The following HVCN1 variants were observed in gnomAD, a reference collection of about 807,000 sequenced individuals.
The protein encoded by HVCN1 is hydrogen voltage gated channel 1.
Under a neutral mutation model 29.2 loss-of-function variants are expected in HVCN1, and 14 were observed. That is an observed-to-expected ratio of 0.48 (90% CI 0.32 to 0.75). The LOEUF (loss-of-function observed/expected upper bound fraction) is 0.75. Among genes scored for constraint, HVCN1 ranks in the 30% least tolerant of loss-of-function variants. The pLI is 0.04. For synonymous variants in HVCN1, 131 were observed against 133.2 expected (o/e 0.98, Z 0.11); for missense variants, 263 against 341.8 (o/e 0.77, Z 1.82).
At chr12:110,677,206 TA>T (rs761362057) in intron 3 of HVCN1, among the ~76,000 whole-genome samples, 298 of 143,496 alleles carry the variant, frequency 2.1e-3, no homozygotes, top group Middle Eastern at 3.5e-3. Context: ...CCTTGTCTGT[TA>T]AAAAAAAAAA....
In HVCN1 at chr12:110,648,850, G is replaced by C. The variant is rs2136219852; in HGVS notation, c.*560C>G. ...TATACAGTAGTTGTACAGTAATTGAGGAAAAATGTTGTCAGGTGGCAGAAA... is the reference window on the plus strand; with the variant it reads ...TATACAGTAGTTGTACAGTAATTGACGAAAAATGTTGTCAGGTGGCAGAAA... On this transcript the variant is annotated 3_prime_UTR_variant, in exon 8 of 8. Coordinates refer to ENST00000242607, the MANE Select transcript of HVCN1 (RefSeq NM_032369.4). 1 of 371,494 alleles carries C rather than the reference G, an allele frequency of 2.7e-6. No individual in the cohort carries two copies. Among genetic ancestry groups the C allele is most frequent in the South Asian group, 2.1e-5 (1 of 48,250 alleles). 23.0% of individuals were successfully genotyped at this position (371,494 alleles called of 1,614,324 possible).
At chr12:110,671,901 G>A (rs1278534953) in intron 3 of HVCN1, among the ~76,000 whole-genome samples, 1 of 152,188 alleles carries the variant, frequency 6.6e-6, no homozygotes, top group Non-Finnish European at 1.5e-5. Context: ...GGCCTGGGGA[G>A]GCGAGACCAC....
chr12:110,704,220 G>A (rs1376906082), intron 1 of HVCN1, among the ~76,000 whole-genome samples: 1 of 152,134 alleles, frequency 6.6e-6, no homozygotes, highest in African/African-American at 2.4e-5. Flanking sequence ...TGATGGTAAA[G>A]CCATACAAAG....
upstream of HVCN1, among the ~76,000 whole-genome samples, chr12:110,694,296 A>G (rs917720718): frequency 6.6e-6 from 1 of 152,212 alleles, no homozygotes. This position sits in a 1 kb window ranked among gnomAD's most constrained non-coding sequence, Gnocchi z 4.6. Flanking sequence ...TCCTAGGCTC[A>G]AGGGATCCTC....
chr12:110,680,313 T>C (rs1470314601), intron 3 of HVCN1, among the ~76,000 whole-genome samples: 1 of 152,032 alleles, frequency 6.6e-6, no homozygotes, highest in Non-Finnish European at 1.5e-5. Context: ...GGTTGTGCAT[T>C]GCAATCCCTA....
At chr12:110,657,363 T>C (rs954765868) in intron 4 of HVCN1, among the ~76,000 whole-genome samples, 2 of 151,914 alleles carry the variant, frequency 1.3e-5, no homozygotes, top group African/African-American at 2.4e-5. Context: ...GGCATGATGG[T>C]GTGTGCCTGT....
intron 2 of HVCN1, among the ~76,000 whole-genome samples, chr12:110,687,687 T>C (rs1165017130): frequency 1.3e-5 from 2 of 151,966 alleles, no homozygotes; most frequent in Non-Finnish European, 2.9e-5. Flanking sequence ...GGATTCAGGA[T>C]ATGCTTTGGG....
rs1253524258 is a variant in HVCN1 at position 110,655,232 on chromosome 12, A to G, written c.411+2T>C. 6.2e-7 allele frequency: 1 copy of G among 1,608,862 alleles called. No homozygotes were observed. Among genetic ancestry groups the G allele is most frequent in the Admixed American group, 1.7e-5 (1 of 59,970 alleles). ...GACCCCAGAAGAGCTGTCAACCCCT[A>G]CCATGGCAGCATAGTTATTCTTGTC... On this transcript the variant is annotated splice_donor_variant, in intron 5 of 7. Transcript: ENST00000242607. LOFTEE classifies it high-confidence loss of function.
intron 3 of HVCN1, among the ~76,000 whole-genome samples, chr12:110,675,753 A>G (rs2068733237): frequency 6.6e-6 from 1 of 151,784 alleles, no homozygotes; most frequent in Non-Finnish European, 1.5e-5. Flanking sequence ...TAAAAATACA[A>G]AAATTAGCTG....
At chr12:110,692,878 T>A (rs2069433058), upstream of HVCN1, among the ~76,000 whole-genome samples, 1 of 152,176 alleles carries the variant, frequency 6.6e-6, no homozygotes, top group Non-Finnish European at 1.5e-5. Flanking sequence ...TTTGTTTGTT[T>A]GTTTAGAGAC....
chr12:110,696,553 A>T (rs573461349), intron 2 of HVCN1, among the ~76,000 whole-genome samples: 1 of 147,054 alleles, frequency 6.8e-6, no homozygotes, highest in African/African-American at 2.5e-5. Flanking sequence ...CATCTCTAAG[A>T]AAAAAAAAAA....
chr12:110,659,503 G>A lies in HVCN1; in HGVS notation c.306+1661C>T, dbSNP rs941296226. On this transcript the variant is annotated intron_variant, in intron 4 of 7. Transcript: ENST00000242607. ...GCTTCCCTGTGGTCTCCAGACCTGT[G>A]CCCTCCCAGGACTTGAATGTGTTTC... 5.9e-5 allele frequency among the ~76,000 whole-genome samples: 9 copies of A among 152,208 alleles called. 1 individual carries two copies. The highest frequency in any genetic ancestry group is 2.2e-4 in the African/African-American group (9 of 41,456).
At position 110,649,464 on chromosome 12, in the gene HVCN1, A is replaced by G; in HGVS notation, c.768T>C (p.Ile256=). ...GTCGCAATAGTTTGTTAAGTCTTTC[A>G]ATTTCTTGTTCCTATTGCAAAAGCA... ...EFSCSEKEQE[I]ERLNKLLRQH... is the part of the protein sequence containing the mutation. Residue 256 remains isoleucine (I), a synonymous_variant, in exon 8 of 8, where the codon ATT becomes ATC. Transcript: ENST00000242607. 7 of 1,604,400 alleles carry G rather than the reference A, an allele frequency of 4.4e-6. No individual in the cohort carries two copies. Among genetic ancestry groups the G allele is most frequent in the Non-Finnish European group, 5.1e-6 (6 of 1,173,510 alleles).
chr12:110,685,329 A>C (rs1173139441), intron 2 of HVCN1, among the ~76,000 whole-genome samples: 1 of 152,222 alleles, frequency 6.6e-6, no homozygotes, highest in East Asian at 1.9e-4. Flanking sequence ...GCAAGCAAAC[A>C]GATTCTCCCC....
chr12:110,681,202 G>A (rs1227259553), intron 3 of HVCN1, among the ~76,000 whole-genome samples: 1 of 152,198 alleles, frequency 6.6e-6, no homozygotes, highest in Admixed American at 6.5e-5. Context: ...GTAAATGGCA[G>A]CACATGGTTT....
In HVCN1 at chr12:110,688,866, C is replaced by T. The variant is rs576485546; in HGVS notation, c.-103-158G>A. 1.4e-4 allele frequency among the ~76,000 whole-genome samples: 21 copies of T among 152,334 alleles called. No homozygotes were observed. The South Asian group carries it at 2.7e-3, about 20-fold the overall frequency. On this transcript the variant is annotated intron_variant, in intron 1 of 7. Coordinates refer to ENST00000242607, the MANE Select transcript of HVCN1 (RefSeq NM_032369.4). ...GCGTTCCCCTCCCCTGGACTCCAGT[C>T]CCTGCCGAGGGGAAGCACTGCCCGC... is the stretch of plus-strand genomic sequence containing the variant.
chr12:110,693,169 A>T (rs148029721), upstream of HVCN1, among the ~76,000 whole-genome samples: 93 of 152,132 alleles, frequency 6.1e-4, no homozygotes, highest in Non-Finnish European at 9.6e-4. Context: ...GGGATAATAG[A>T]CATGAGCCAC....
intron 3 of HVCN1, among the ~76,000 whole-genome samples, chr12:110,667,823 C>T (rs1367759461): frequency 6.6e-6 from 1 of 152,152 alleles, no homozygotes; most frequent in Non-Finnish European, 1.5e-5. Context: ...TTTGCAAAAA[C>T]CGCATTTATA....
intron 3 of HVCN1, among the ~76,000 whole-genome samples, chr12:110,671,188 G>A (rs2068562520): frequency 2.0e-5 from 3 of 152,044 alleles, no homozygotes; most frequent in Admixed American, 6.6e-5. Flanking sequence ...TTAGCCGGGC[G>A]TGGTGGTGGG....
Sources: gnomAD v4.1 joint callset for allele counts (sites outside exome capture counted in the v4.1 genomes callset) on GRCh38, gnomAD v4.1.1 for gene constraint, Gnocchi (gnomAD v3.1) non-coding constraint, MANE v1.5 for transcripts, NCBI Gene and HGNC (gene_info 2026-07-23, HGNC 2026-07-21) for gene names.